The following TIAM1 variants were observed in gnomAD, a reference collection of about 807,000 sequenced individuals.
TIAM1 encodes the protein TIAM Rac1 associated GEF 1, also known as rho guanine nucleotide exchange factor TIAM1.
In TIAM1, 65 loss-of-function variants were observed where a neutral mutation model predicts 163.5. The observed-to-expected ratio is 0.40, with a 90% CI of 0.33 to 0.49. TIAM1 has a LOEUF of 0.49. TIAM1 is among the 20% of genes least tolerant of loss of function. TIAM1 has a pLI of 0.77. For synonymous variants in TIAM1, 833 were observed against 810.1 expected, an observed-to-expected ratio of 1.03 and a Z score of -0.48; for missense variants, 1,789 against 2,044.7, an observed-to-expected ratio of 0.87 and a Z score of 2.41.
intron 27 of TIAM1, among the ~76,000 whole-genome samples, chr21:31,122,118 T>C (rs568504667): frequency 5.6e-4 from 85 of 152,314 alleles, no homozygotes; most frequent in African/African-American, 1.9e-3. Flanking sequence ...TTGGCTCTCA[T>C]GGCAGCCATC....
At chr21:31,251,104 T>C (rs1380785949) in intron 5 of TIAM1, among the ~76,000 whole-genome samples, 1 of 152,226 alleles carries the variant, frequency 6.6e-6, no homozygotes, top group Non-Finnish European at 1.5e-5. Context: ...CTAATAAATT[T>C]CCCTCCAAAA....
chr21:31,432,412 T>C (rs2044073203), intron 2 of TIAM1, among the ~76,000 whole-genome samples: 1 of 152,182 alleles, frequency 6.6e-6, no homozygotes, highest in African/African-American at 2.4e-5. Context: ...CCATACTCTT[T>C]ATTCTGCCAC....
At position 31,534,149 on chromosome 21, in the gene TIAM1, T is replaced by TCCAAGGTA. The variant is rs1161688186; in HGVS notation, c.-422+24770_-422+24777dup. Among the ~76,000 whole-genome samples, 6 of 152,282 alleles carry TCCAAGGTA rather than the reference T, an allele frequency of 3.9e-5. No individual in the cohort carries two copies. The South Asian group carries it at 1.2e-3, about 32-fold the overall frequency. On this transcript the variant is annotated intron_variant, in intron 1 of 28. Coordinates refer to the TIAM1 transcript ENST00000286827. ...ACACAATGAAGAGAAAGCGAGTACC[T>TCCAAGGTA]CCAAGGTACAAAAACCACGCTAGGC...
intron 2 of TIAM1, among the ~76,000 whole-genome samples, chr21:31,357,457 T>C (rs2076334183): frequency 6.6e-6 from 1 of 152,208 alleles, no homozygotes; most frequent in African/African-American, 2.4e-5. Flanking sequence ...ACTCTACCTT[T>C]CTGCCTGTTG....
chr21:31,197,539 C>CTTTTTTTTTTTTTTT (rs58141765), intron 12 of TIAM1, among the ~76,000 whole-genome samples: 5 of 123,254 alleles, frequency 4.1e-5, no homozygotes, highest in East Asian at 5.4e-4. Flanking sequence ...CCGCGCCCGG[C>CTTTTTTTTTTTTTTT]TTTTTTTTTT....
chr21:31,186,679 G>A (rs921582152), intron 14 of TIAM1, among the ~76,000 whole-genome samples: 2 of 152,122 alleles, frequency 1.3e-5, no homozygotes, highest in African/African-American at 4.8e-5. Context: ...GACCTGGGGG[G>A]CTGAGGTGAG....
At chr21:31,469,079 CTTTTTTTTTTTTT>C (rs765505214) in intron 1 of TIAM1, among the ~76,000 whole-genome samples, 28 of 110,924 alleles carry the variant, frequency 2.5e-4, no homozygotes, top group East Asian at 3.0e-4. Flanking sequence ...GAACCAATCC[CTTTTTTTTTTTTT>C]TTTTTTTTGA....
intron 1 of TIAM1, among the ~76,000 whole-genome samples, chr21:31,522,457 C>T (rs2047633211): frequency 6.6e-6 from 1 of 151,392 alleles, no homozygotes; most frequent in South Asian, 2.1e-4. Flanking sequence ...TTGCGGTGAG[C>T]CGAGATCGCA....
In TIAM1 at chr21:31,154,472, A is replaced by C. The variant is rs1044750980; in HGVS notation, c.2992-46T>G. 1.0e-5 allele frequency: 16 copies of C among 1,584,782 alleles called. No individual in the cohort carries two copies. The Admixed American group carries it at 1.2e-4, about 12-fold the overall frequency. On this transcript the variant is annotated intron_variant, in intron 16 of 27. Transcript: ENST00000541036. ...GGGAAGGCAGAGGTCATTATCCCTCATTAGACGCACCTGACACCTGGACCG... is the reference window on the plus strand; with the variant it reads ...GGGAAGGCAGAGGTCATTATCCCTCCTTAGACGCACCTGACACCTGGACCG...
chr21:31,254,805 G>A (rs1348223324), intron 4 of TIAM1, among the ~76,000 whole-genome samples: 1 of 152,162 alleles, frequency 6.6e-6, no homozygotes, highest in Non-Finnish European at 1.5e-5. Context: ...ACTGTGACCT[G>A]CCTGGCAAAA....
chr21:31,194,014 T>A (rs1020894442), intron 13 of TIAM1, among the ~76,000 whole-genome samples: 2 of 152,170 alleles, frequency 1.3e-5, no homozygotes, highest in African/African-American at 4.8e-5. Flanking sequence ...GGGCCTTATG[T>A]AAATCAGACA....
At position 31,228,219 on chromosome 21, in the gene TIAM1, TTAAAAAAAAA is replaced by T. The variant is rs2088118785; in HGVS notation, c.1585-2279_1585-2270del. Among the ~76,000 whole-genome samples, 4 of 17,624 alleles carry T rather than the reference TTAAAAAAAAA, an allele frequency of 2.3e-4. No homozygotes were observed. The Admixed American group carries it at 2.9e-3, about 13-fold the overall frequency. 11.6% of individuals were successfully genotyped at this position (17,624 alleles called of 152,430 possible). ...AGCCACCATGCCCGGCCTCCTTTTT[TTAAAAAAAAA>T]AAAAAAAAAAAAAAAAAAAAAAAAA... On this transcript the variant is annotated intron_variant, in intron 6 of 27. Coordinates refer to ENST00000541036, the MANE Select transcript of TIAM1 (RefSeq NM_001353694.2).
chr21:31,298,593 C>T (rs1163880308), intron 2 of TIAM1, among the ~76,000 whole-genome samples: 1 of 152,114 alleles, frequency 6.6e-6, no homozygotes, highest in Non-Finnish European at 1.5e-5. Context: ...TGTCTGTCTT[C>T]CCTCATCTAA....
intron 6 of TIAM1, among the ~76,000 whole-genome samples, chr21:31,242,003 C>A (rs138379602): frequency 6.6e-6 from 1 of 152,026 alleles, no homozygotes; most frequent in Non-Finnish European, 1.5e-5. Flanking sequence ...GAGCAAGACC[C>A]TATCTCTAAA....
At chr21:31,265,040 C>A (rs911777359) in intron 4 of TIAM1, among the ~76,000 whole-genome samples, 2 of 152,140 alleles carry the variant, frequency 1.3e-5, no homozygotes, top group Non-Finnish European at 2.9e-5. Context: ...CAGAGTCTCA[C>A]TATGTTGCCC....
intron 1 of TIAM1, among the ~76,000 whole-genome samples, chr21:31,537,637 A>C (rs2048182277): frequency 6.6e-6 from 1 of 152,072 alleles, no homozygotes; most frequent in African/African-American, 2.4e-5. Flanking sequence ...GTGTATTCCC[A>C]GCTACTTGAA....
chr21:31,236,420 A>G (rs572284002), intron 6 of TIAM1, among the ~76,000 whole-genome samples: 1 of 152,286 alleles, frequency 6.6e-6, no homozygotes, highest in African/African-American at 2.4e-5. Context: ...GGACTTAGCT[A>G]CAGACTAAGT....
At chr21:31,319,105 C>T (rs535275244) in intron 2 of TIAM1, among the ~76,000 whole-genome samples, 49 of 152,286 alleles carry the variant, frequency 3.2e-4, no homozygotes, top group Non-Finnish European at 5.6e-4. Flanking sequence ...ACTCATTTGG[C>T]TTCCCATCAT....
At chr21:31,187,194 T>C (rs1479451279) in intron 13 of TIAM1, 107 bp from the exon 14 acceptor site, 10 of 997,258 alleles carry the variant, frequency 1.0e-5, no homozygotes, top group Admixed American at 5.9e-5. Flanking sequence ...TTTGTCATTA[T>C]AGTTTGGACT....
Sources: gnomAD v4.1 joint callset for allele counts (sites outside exome capture counted in the v4.1 genomes callset) on GRCh38, gnomAD v4.1.1 for gene constraint, MANE v1.5 for transcripts, NCBI Gene and HGNC (gene_info 2026-07-23, HGNC 2026-07-21) for gene names.